The following UBASH3A variants were observed in gnomAD, a reference collection of about 807,000 sequenced individuals.
UBASH3A encodes the protein ubiquitin associated and SH3 domain containing A.
In UBASH3A, 63 loss-of-function variants were observed where a neutral mutation model predicts 73.5. The ratio of observed to expected loss-of-function variants is 0.86; its 90% CI spans 0.70 to 1.06. The LOEUF is 1.06. Ranked by LOEUF, UBASH3A falls within the 50% of genes least tolerant of loss-of-function variation. The pLI is 0.00. For synonymous variants in UBASH3A, 363 were observed against 351.1 expected (o/e 1.03, Z -0.38); for missense variants, 860 against 859.0 (o/e 1.00, Z -0.02).
Position 42,444,571 on chromosome 21 carries a change from G to A in UBASH3A, c.1776G>A (p.Leu592=). 1.6e-5 allele frequency: 26 copies of A among 1,614,022 alleles called. No homozygotes were observed. The highest frequency in any genetic ancestry group is 2.1e-5 in the Non-Finnish European group (25 of 1,180,018). The change falls in exon 14 of 15, where the codon CTG becomes CTA. Residue 592 remains leucine (L), a synonymous_variant. Transcript: ENST00000319294. ...VILIVSHGST[L]DSCTRPLLGL... is the part of the protein sequence containing the mutation. Reference sequence around the variant, plus strand: ...TAATTGTGAGTCACGGCTCCACTCTGGACTCCTGCACGCGGCCACTGCTCG... The same window carrying A: ...TAATTGTGAGTCACGGCTCCACTCTAGACTCCTGCACGCGGCCACTGCTCG...
Position 42,409,480 on chromosome 21 carries a change from C to T in UBASH3A, c.226C>T (p.Leu76Phe), listed in dbSNP as rs755382484. 1.9e-6 allele frequency: 3 copies of T among 1,613,972 alleles called. No individual in the cohort carries two copies. The highest frequency in any genetic ancestry group is 1.3e-5 in the African/African-American group (1 of 74,910). Reference sequence around the variant, plus strand: ...CGACCCCATCCCCCAGGAGTATGCCCTTTTCCTCTGTCCAACGGGGCCCCT... The same window carrying T: ...CGACCCCATCCCCCAGGAGTATGCCTTTTTCCTCTGTCCAACGGGGCCCCT... The part of the protein sequence containing the change: ...LDDPIPQEYA[L>F]FLCPTGPLLE... The change falls in exon 3 of 15, where the codon CTT (leucine) becomes TTT (phenylalanine). Residue 76 changes from leucine to phenylalanine, a missense_variant. By Grantham distance (22) the Leu-to-Phe change is conservative (BLOSUM62 0). Transcript: ENST00000319294.
Position 42,444,564 on chromosome 21 carries a change from C to G in UBASH3A, c.1769C>G (p.Ser590Cys). 3 of 1,613,940 alleles carry G rather than the reference C, an allele frequency of 1.9e-6. No individual in the cohort carries two copies. Among genetic ancestry groups the G allele is most frequent in the Non-Finnish European group, 2.5e-6 (3 of 1,180,028 alleles). ...GTCATCCTAATTGTGAGTCACGGCT[C>G]CACTCTGGACTCCTGCACGCGGCCA... ...TGVILIVSHG[S>C]TLDSCTRPLL... is the part of the protein sequence containing the mutation. The change falls in exon 14 of 15, where the codon TCC becomes TGC. Residue 590 changes from serine to cysteine, a missense_variant. Ser to Cys is a moderately radical substitution (Grantham distance 112). Coordinates refer to ENST00000319294, the MANE Select transcript of UBASH3A (RefSeq NM_018961.4).
In UBASH3A at chr21:42,416,715, T is replaced by G. The variant is rs540349902; in HGVS notation, c.837+104T>G. The G allele has an allele frequency of 1.7e-5, 20 of 1,157,596 alleles. No individual in the cohort carries two copies. The African/African-American group carries it at 2.4e-4, about 14-fold the overall frequency. 71.7% of individuals were successfully genotyped at this position (1,157,596 alleles called of 1,614,324 possible). ...TTTGGGAGGCCGAGGCGGCGGATCATGAGGTCAGGAGATGGAGACCATCCT... is the reference window on the plus strand; with the variant it reads ...TTTGGGAGGCCGAGGCGGCGGATCAGGAGGTCAGGAGATGGAGACCATCCT... On this transcript the variant is annotated intron_variant, in intron 6 of 14. Transcript: ENST00000319294.
chr21:42,408,189 T>C (rs139605682), intron 2 of UBASH3A, among the ~76,000 whole-genome samples: 7 of 152,350 alleles, frequency 4.6e-5, no homozygotes, highest in Non-Finnish European at 1.0e-4. Context: ...TTGAAGAGAA[T>C]ATGGTCTTGC....
chr21:42,435,795 A>G (rs1423962961), intron 10 of UBASH3A, among the ~76,000 whole-genome samples: 4 of 151,724 alleles, frequency 2.6e-5, no homozygotes, highest in African/African-American at 7.2e-5. Context: ...TCATAGATTT[A>G]TAGAGTTATA....
chr21:42,422,087 C>A (rs979351320), intron 7 of UBASH3A, among the ~76,000 whole-genome samples: 1 of 152,150 alleles, frequency 6.6e-6, no homozygotes, highest in African/African-American at 2.4e-5. Flanking sequence ...TGGGCTCCCC[C>A]ACTAAACATA....
chr21:42,429,970 A>C (rs2053500276), intron 8 of UBASH3A, among the ~76,000 whole-genome samples: 1 of 152,106 alleles, frequency 6.6e-6, no homozygotes, highest in African/African-American at 2.4e-5. Flanking sequence ...GCCACCGAGA[A>C]CTGTCTGGTC....
intron 3 of UBASH3A, among the ~76,000 whole-genome samples, chr21:42,412,435 A>C (rs2053118990): frequency 1.3e-5 from 2 of 152,196 alleles, no homozygotes; most frequent in Non-Finnish European, 2.9e-5. Context: ...CAGAATTCCC[A>C]GTGCAGGAGA....
intron 3 of UBASH3A, among the ~76,000 whole-genome samples, chr21:42,412,764 C>A (rs368405049): frequency 3.2e-4 from 49 of 152,128 alleles, no homozygotes; most frequent in African/African-American, 1.1e-3. Flanking sequence ...TGCAGTTCAA[C>A]GACCAGGGGA....
At chr21:42,437,884 C>T (rs1198343116) in intron 11 of UBASH3A, among the ~76,000 whole-genome samples, 3 of 152,128 alleles carry the variant, frequency 2.0e-5, no homozygotes, top group African/African-American at 7.2e-5. Flanking sequence ...ACCTGGAAAG[C>T]GGCATTCGAA....
intron 7 of UBASH3A, among the ~76,000 whole-genome samples, chr21:42,419,246 G>T (rs142455359): frequency 1.5e-3 from 225 of 152,282 alleles, no homozygotes; most frequent in African/African-American, 5.2e-3. Context: ...CTTAATTTTA[G>T]CACCTTTTAG....
rs1437124801 is a variant in UBASH3A, at chr21:42,418,566, TACACGG to T, written c.1005_1010del (p.Thr336_Asp337del). The T allele has an allele frequency of 4.3e-6, 7 of 1,614,186 alleles. No individual in the cohort carries two copies. The highest frequency in any genetic ancestry group is 5.9e-6 in the Non-Finnish European group (7 of 1,180,026). ...CTGCCGGGGCTTCCTGCCGGAAAAC[TACACGG>T]ATCGAGCCAGTGAGTCTGACACGTG... On this transcript the variant is annotated inframe_deletion, in exon 7 of 15. Transcript: ENST00000319294.
chr21:42,409,507 C>T lies in UBASH3A; in HGVS notation c.253C>T (p.Leu85=), dbSNP rs377294790. 120 of 1,614,032 alleles carry T rather than the reference C, an allele frequency of 7.4e-5. No homozygotes were observed. The highest frequency in any genetic ancestry group is 8.3e-5 in the Non-Finnish European group (98 of 1,180,022). ...TTTCCTCTGTCCAACGGGGCCCCTG[C>T]TGGAAAAACTTCAAGAGTTCTGGAG... ...ALFLCPTGPL[L]EKLQEFWRES... The change falls in exon 3 of 15, where the codon CTG becomes TTG. Residue 85 remains leucine (L), a synonymous_variant. Transcript: ENST00000319294.
At chr21:42,445,194 G>A (rs1314262968) in intron 14 of UBASH3A, among the ~76,000 whole-genome samples, 4 of 152,204 alleles carry the variant, frequency 2.6e-5, no homozygotes, top group African/African-American at 9.7e-5. Context: ...ACTCAGCAAA[G>A]CCAGAGGGTG....
At chr21:42,442,634 C>G (rs1178039083) in intron 12 of UBASH3A, 38 bp downstream of exon 12, 2 of 1,571,282 alleles carry the variant, frequency 1.3e-6, no homozygotes, top group Non-Finnish European at 1.7e-6. Context: ...TGGGGCTTTT[C>G]CAGTTATTGT....
chr21:42,447,150 G>A lies in UBASH3A; in HGVS notation c.1942G>A (p.Ala648Thr), dbSNP rs1277259439. The change falls in exon 15 of 15, where the codon GCG (alanine) becomes ACG (threonine). Residue 648 changes from alanine (A) to threonine (T), a missense_variant. By Grantham distance (58) the Ala-to-Thr change is moderately conservative (BLOSUM62 0). Coordinates refer to ENST00000319294, the MANE Select transcript of UBASH3A (RefSeq NM_018961.4). ...ACCGGTGAAGACCCTGACCCACGGGGCGAACGCAGCATTTAACTGGAGGAA... is the reference window on the plus strand; with the variant it reads ...ACCGGTGAAGACCCTGACCCACGGGACGAACGCAGCATTTAACTGGAGGAA... ...NPPVKTLTHGANAAFNWRNWI... is the reference protein window; with the variant it reads ...NPPVKTLTHGTNAAFNWRNWI... The A allele has an allele frequency of 6.2e-7, 1 of 1,614,078 alleles. No homozygotes were observed. Among genetic ancestry groups the A allele is most frequent in the Non-Finnish European group, 8.5e-7 (1 of 1,180,036 alleles).
chr21:42,438,126 G>C (rs1456753132), intron 11 of UBASH3A, among the ~76,000 whole-genome samples: 1 of 152,178 alleles, frequency 6.6e-6, no homozygotes, highest in African/African-American at 2.4e-5. Context: ...CCTGAACCCT[G>C]TCCTGCTCCT....
At chr21:42,435,144 C>A in intron 10 of UBASH3A, 190 bp downstream of exon 10, 1 of 576,800 alleles carries the variant, frequency 1.7e-6, no homozygotes, top group Non-Finnish European at 2.9e-6. Context: ...AAGAAAGTGG[C>A]AATGTAGAGG....
intron 1 of UBASH3A, among the ~76,000 whole-genome samples, chr21:42,405,986 G>GGC (rs2052963934): frequency 7.8e-5 from 7 of 90,284 alleles, no homozygotes; most frequent in Admixed American, 5.5e-4. Flanking sequence ...TAGGCAGTGG[G>GGC]GGGGGGGGGG....
Sources: gnomAD v4.1 joint callset for allele counts (sites outside exome capture counted in the v4.1 genomes callset) on GRCh38, gnomAD v4.1.1 for gene constraint, MANE v1.5 for transcripts, NCBI Gene and HGNC (gene_info 2026-07-23, HGNC 2026-07-21) for gene names.